TBC1D5: variants seen among roughly 807,000 people sequenced by gnomAD.
TBC1D5 encodes the protein TBC1 domain family member 5.
TBC1D5 carries 75 observed loss-of-function variants against 100.3 expected under a neutral mutation model. The observed-to-expected ratio is 0.75, with a 90% CI of 0.62 to 0.91. The LOEUF is 0.91. Among genes scored for constraint, TBC1D5 ranks in the 40% least tolerant of loss-of-function variants. The pLI is 0.00. For missense variants in TBC1D5, 910 were observed against 942.4 expected (o/e 0.97, Z 0.45); for synonymous variants, 323 against 325.6 (o/e 0.99, Z 0.09).
intron 1 of TBC1D5, among the ~76,000 whole-genome samples, chr3:17,647,727 A>G (rs1274288743): frequency 6.6e-6 from 1 of 152,148 alleles, no homozygotes; most frequent in Non-Finnish European, 1.5e-5. Context: ...GTAAACTTTT[A>G]AAAAATAATG....
intron 1 of TBC1D5, among the ~76,000 whole-genome samples, chr3:17,688,483 G>C (rs1256308925): frequency 2.0e-5 from 3 of 152,204 alleles, no homozygotes; most frequent in Non-Finnish European, 1.5e-5. Flanking sequence ...AGCCACCTTA[G>C]AAAAGTGGTT....
chr3:17,503,428 T>G (rs2095808216), intron 3 of TBC1D5, among the ~76,000 whole-genome samples: 1 of 149,552 alleles, frequency 6.7e-6, no homozygotes, highest in Admixed American at 6.6e-5. Flanking sequence ...TTCTCTCTGC[T>G]GAGCACCCCC....
At chr3:17,309,037 T>C (rs2083702904) in intron 13 of TBC1D5, among the ~76,000 whole-genome samples, 1 of 152,068 alleles carries the variant, frequency 6.6e-6, no homozygotes, top group African/African-American at 2.4e-5. Flanking sequence ...TCAGCTAGAA[T>C]TCTATGTGAT....
rs7349466 is a variant in TBC1D5, at chr3:17,167,066, G to T, written c.1933-138C>A. The T allele has an allele frequency of 0.017, 14,774 of 888,948 alleles. 948 individuals are homozygous for T. The East Asian group carries it at 0.2, about 12-fold the overall frequency. The allele number at this position is 888,948 out of a possible 1,614,324, so 55.1% of individuals were successfully genotyped here. On this transcript the variant is annotated intron_variant, in intron 20 of 21. Transcript: ENST00000253692. ...TATGAATATTAATATTTTACTATAA[G>T]AAACAAATAATGAGAAAAAAATCTA...
chr3:17,607,841 AGC>A (rs1238251976), intron 2 of TBC1D5, among the ~76,000 whole-genome samples: 2 of 152,222 alleles, frequency 1.3e-5, no homozygotes, highest in African/African-American at 4.8e-5. Flanking sequence ...ACCCATTAGG[AGC>A]AAAACTACAG....
intron 2 of TBC1D5, among the ~76,000 whole-genome samples, chr3:17,540,722 C>A (rs373588221): frequency 2.7e-4 from 41 of 151,818 alleles, no homozygotes; most frequent in African/African-American, 8.9e-4. Flanking sequence ...TCCTGGCCAA[C>A]ATGGTGAAAC....
chr3:17,452,069 C>T (rs1207247376), intron 3 of TBC1D5, among the ~76,000 whole-genome samples: 1 of 151,772 alleles, frequency 6.6e-6, no homozygotes, highest in Non-Finnish European at 1.5e-5. Context: ...TTTGTTTACA[C>T]AATCAGTGTT....
At chr3:17,737,913 G>T (rs1358403845) in intron 1 of TBC1D5, among the ~76,000 whole-genome samples, 1 of 151,656 alleles carries the variant, frequency 6.6e-6, no homozygotes, top group African/African-American at 2.4e-5. Context: ...TTTTCCTGGA[G>T]TTAGCCACAG....
chr3:17,688,521 C>G (rs951586260), intron 1 of TBC1D5, among the ~76,000 whole-genome samples: 1 of 152,162 alleles, frequency 6.6e-6, no homozygotes, highest in African/African-American at 2.4e-5. Context: ...TATTTTATTA[C>G]CTAGAATTCA....
At chr3:17,464,139 CG>C (rs1439617748) in intron 3 of TBC1D5, among the ~76,000 whole-genome samples, 2 of 151,650 alleles carry the variant, frequency 1.3e-5, no homozygotes, top group East Asian at 3.9e-4. Context: ...TTAGTAGAGA[CG>C]GGGTTTCTCC....
intron 3 of TBC1D5, among the ~76,000 whole-genome samples, chr3:17,457,796 T>A (rs1161080391): frequency 2.0e-5 from 3 of 152,156 alleles, no homozygotes; most frequent in Non-Finnish European, 4.4e-5. Context: ...CTAAAACAGT[T>A]TTCATTGCTT....
At chr3:17,521,740 G>A (rs1360311037) in intron 2 of TBC1D5, among the ~76,000 whole-genome samples, 1 of 152,040 alleles carries the variant, frequency 6.6e-6, no homozygotes, top group Non-Finnish European at 1.5e-5. Context: ...TTTCATTCAT[G>A]AATTAACATA....
At chr3:17,433,520 G>A (rs548463866) in intron 3 of TBC1D5, among the ~76,000 whole-genome samples, 2 of 149,382 alleles carry the variant, frequency 1.3e-5, no homozygotes, top group South Asian at 4.2e-4. Context: ...TATCACAAGA[G>A]CAGCATGGGG....
chr3:17,457,227 ATGTC>A (rs1402436548), intron 3 of TBC1D5, among the ~76,000 whole-genome samples: 7 of 152,052 alleles, frequency 4.6e-5, no homozygotes, highest in African/African-American at 1.4e-4. Context: ...CTCTAGTTTG[ATGTC>A]TGTCATTAAT....
Position 17,470,480 on chromosome 3 carries a change from T to C in TBC1D5, c.97+37994A>G, listed in dbSNP as rs192711403. Among the ~76,000 whole-genome samples the C allele has an allele frequency of 9.9e-5, 15 of 152,156 alleles. No homozygotes were observed. The East Asian group carries it at 2.5e-3, about 25-fold the overall frequency. On this transcript the variant is annotated intron_variant, in intron 3 of 21. Transcript: ENST00000253692. ...GTTATTGAGAAACAGAAATGGAAAA[T>C]GATGCAGTATATCTATATTTCTATA...
intron 18 of TBC1D5, among the ~76,000 whole-genome samples, chr3:17,209,650 T>C (rs2072698449): frequency 2.0e-5 from 3 of 152,248 alleles, no homozygotes; most frequent in African/African-American, 7.2e-5. Context: ...ATGTAAATTC[T>C]AATCCCAGCT....
At chr3:17,510,415 G>A (rs905846250) in intron 2 of TBC1D5, among the ~76,000 whole-genome samples, 2 of 151,962 alleles carry the variant, frequency 1.3e-5, no homozygotes, top group African/African-American at 4.8e-5. Flanking sequence ...TATAAGCAGA[G>A]GATTAGGGAA....
intron 2 of TBC1D5, among the ~76,000 whole-genome samples, chr3:17,593,957 G>A (rs1411587898): frequency 6.6e-6 from 1 of 152,196 alleles, no homozygotes; most frequent in Non-Finnish European, 1.5e-5. Flanking sequence ...AAGGGTGGAA[G>A]TGGAAGTGGC....
chr3:17,310,126 T>C (rs150166368), intron 13 of TBC1D5, among the ~76,000 whole-genome samples: 25 of 152,076 alleles, frequency 1.6e-4, no homozygotes, highest in African/African-American at 5.8e-4. Flanking sequence ...AGAAATAATT[T>C]CTATACCCAT....
Sources: gnomAD v4.1 joint callset for allele counts (sites outside exome capture counted in the v4.1 genomes callset) on GRCh38, gnomAD v4.1.1 for gene constraint, MANE v1.5 for transcripts, NCBI Gene and HGNC (gene_info 2026-07-23, HGNC 2026-07-21) for gene names.